GPAT4: variants seen among roughly 807,000 people sequenced by gnomAD.
GPAT4 encodes the protein 1-AGP acyltransferase 6.
Under a neutral mutation model 58.0 loss-of-function variants are expected in GPAT4, and 17 were observed. That is an observed-to-expected ratio of 0.29 (90% CI 0.20 to 0.44). The LOEUF is 0.44. GPAT4 is among the 20% of genes least tolerant of loss of function. The pLI is 1.00. For synonymous variants in GPAT4, 204 were observed against 210.1 expected (o/e 0.97, Z 0.25); for missense variants, 377 against 574.5 (o/e 0.66, Z 3.51).
At position 41,623,637 on chromosome 8, in the gene GPAT4, T is replaced by TA. The variant is rs1218053511; in HGVS notation, c.*2637dup. ...CTCTGAAGTCTTCTGGGTTTGGAAA[T>TA]ACGGGAAGTCAGCTTTGAATCCATT... On this transcript the variant is annotated 3_prime_UTR_variant, in exon 13 of 13. Coordinates refer to ENST00000396987, the MANE Select transcript of GPAT4 (RefSeq NM_178819.4). The TA allele has an allele frequency of 4.6e-5, 7 of 152,198 alleles. No homozygotes were observed. In the South Asian group the frequency reaches 1.5e-3, roughly 32 times the overall value. 9.4% of individuals were successfully genotyped at this position (152,198 alleles called of 1,614,324 possible).
At chr8:41,602,011 G>A in intron 2 of GPAT4, among the ~76,000 whole-genome samples, 1 of 152,238 alleles carries the variant, frequency 6.6e-6, no homozygotes, top group Non-Finnish European at 1.5e-5. Context: ...CTGGAGTGCA[G>A]TGGCATGATC....
In GPAT4 at chr8:41,611,503, T is replaced by C. The variant is rs536282750; in HGVS notation, c.612-400T>C. Among the ~76,000 whole-genome samples, 5 of 152,364 alleles carry C rather than the reference T, an allele frequency of 3.3e-5. No individual in the cohort carries two copies. In the South Asian group the frequency reaches 1.0e-3, roughly 32 times the overall value. ...GAAATGTAGGGAGGTTTTGTCTGTTTGTGTGAAGAATATTTTGCTCCCTTT... is the reference window on the plus strand; with the variant it reads ...GAAATGTAGGGAGGTTTTGTCTGTTCGTGTGAAGAATATTTTGCTCCCTTT... On this transcript the variant is annotated intron_variant, in intron 5 of 12. Coordinates refer to ENST00000396987, the MANE Select transcript of GPAT4 (RefSeq NM_178819.4).
intron 10 of GPAT4, among the ~76,000 whole-genome samples, chr8:41,616,883 CTCT>C (rs550156233): frequency 2.1e-4 from 32 of 152,162 alleles, no homozygotes; most frequent in Non-Finnish European, 3.7e-4. Context: ...GATTTCAAGG[CTCT>C]TCTTATATTT....
chr8:41,613,713 G>T (rs1055240349), intron 8 of GPAT4, among the ~76,000 whole-genome samples: 1 of 151,996 alleles, frequency 6.6e-6, no homozygotes, highest in Non-Finnish European at 1.5e-5. Context: ...CCGGGAGTTC[G>T]AGACCAGCCT....
intron 10 of GPAT4, among the ~76,000 whole-genome samples, chr8:41,616,809 C>T (rs1803607468): frequency 6.6e-6 from 1 of 152,202 alleles, no homozygotes; most frequent in African/African-American, 2.4e-5. Context: ...CTAAGAACAT[C>T]TGGTCTACAG....
At chr8:41,604,492 G>A (rs1330293008) in intron 2 of GPAT4, among the ~76,000 whole-genome samples, 1 of 152,212 alleles carries the variant, frequency 6.6e-6, no homozygotes, top group Non-Finnish European at 1.5e-5. Flanking sequence ...GGGTTTTAGT[G>A]TTTGCTTAAT....
chr8:41,586,779 T>G (rs761488038), intron 1 of GPAT4, among the ~76,000 whole-genome samples: 7 of 152,196 alleles, frequency 4.6e-5, no homozygotes, highest in Non-Finnish European at 8.8e-5. Context: ...TATGGATAAT[T>G]TGTGCTCAGA....
At position 41,618,758 on chromosome 8, in the gene GPAT4, G is replaced by C. The variant is rs771864075; in HGVS notation, c.1128G>C (p.Met376Ile). The change falls in exon 11 of 13, where the codon ATG (methionine) becomes ATC (isoleucine). Residue 376 changes from methionine to isoleucine, a missense_variant. Physicochemically the swap from Met to Ile is conservative, Grantham distance 10. Transcript: ENST00000396987. ...YGMVTYLLRMMTSWAIVCSVW... is the reference protein window; with the variant it reads ...YGMVTYLLRMITSWAIVCSVW... ...TGGTGACGTACCTGCTGCGAATGAT[G>C]ACCAGCTGGGCCATTGTCTGCAGCG... The C allele has an allele frequency of 1.2e-6, 2 of 1,614,242 alleles. No homozygotes were observed. Among genetic ancestry groups the C allele is most frequent in the Non-Finnish European group, 8.5e-7 (1 of 1,180,046 alleles).
chr8:41,594,808 G>A (rs1008033724), intron 1 of GPAT4, among the ~76,000 whole-genome samples: 23 of 152,088 alleles, frequency 1.5e-4, no homozygotes, highest in Admixed American at 1.2e-3. Flanking sequence ...GCCTCCCAAA[G>A]TGCTGAGATT....
At chr8:41,610,448 C>T in intron 4 of GPAT4, 1 of 1,298,256 alleles carries the variant, frequency 7.7e-7, no homozygotes, top group Non-Finnish European at 9.8e-7. Context: ...CAGGGAGCAG[C>T]CCTGTGGCAG....
chr8:41,615,141 A>C (rs767790239), intron 10 of GPAT4, 93 bp downstream of exon 10: 3 of 1,168,482 alleles, frequency 2.6e-6, no homozygotes, highest in Non-Finnish European at 3.8e-6. Context: ...TGGGGTCACC[A>C]GTCTGTGGTC....
At chr8:41,617,276 AT>A (rs1401111951) in intron 10 of GPAT4, among the ~76,000 whole-genome samples, 1 of 152,140 alleles carries the variant, frequency 6.6e-6, no homozygotes, top group East Asian at 1.9e-4. Flanking sequence ...GGGCAGGAGA[AT>A]GGCGTGAACC....
chr8:41,589,727 T>C (rs1338208027), intron 1 of GPAT4, among the ~76,000 whole-genome samples: 1 of 150,168 alleles, frequency 6.7e-6, no homozygotes, highest in Non-Finnish European at 1.5e-5. Flanking sequence ...AATTCTTAGC[T>C]ATGATCCTTA....
chr8:41,607,006 G>A (rs1803293425), intron 2 of GPAT4, among the ~76,000 whole-genome samples: 1 of 152,172 alleles, frequency 6.6e-6, no homozygotes, highest in East Asian at 1.9e-4. Context: ...TGCATTTCCA[G>A]TCCTTCTGAA....
At chr8:41,614,572 C>A in intron 9 of GPAT4, 131 bp downstream of exon 9, 1 of 913,580 alleles carries the variant, frequency 1.1e-6, no homozygotes. Flanking sequence ...GTTAGGTCCC[C>A]TTTAGGTTGG....
intron 4 of GPAT4, 64 bp downstream of exon 4, chr8:41,610,019 G>T: frequency 6.5e-7 from 1 of 1,536,600 alleles, no homozygotes. Context: ...CAGCCCACCT[G>T]CCTGCTCTGC....
At chr8:41,620,390 C>CT (rs1177038295) in intron 12 of GPAT4, among the ~76,000 whole-genome samples, 1 of 152,174 alleles carries the variant, frequency 6.6e-6, no homozygotes, top group Non-Finnish European at 1.5e-5. Flanking sequence ...TGACGGCACT[C>CT]TTTTTTTGAG....
At chr8:41,615,460 G>T (rs1803571445) in intron 10 of GPAT4, among the ~76,000 whole-genome samples, 2 of 151,160 alleles carry the variant, frequency 1.3e-5, no homozygotes, top group South Asian at 2.1e-4. Context: ...TTGGGGGGGG[G>T]GTCATTACTC....
At chr8:41,604,449 T>C (rs1252092420) in intron 2 of GPAT4, among the ~76,000 whole-genome samples, 1 of 152,196 alleles carries the variant, frequency 6.6e-6, no homozygotes, top group Non-Finnish European at 1.5e-5. Context: ...TCACAGAAGA[T>C]CTTTGTGTGC....
Sources: allele counts gnomAD v4.1 joint callset (sites outside exome capture counted in the v4.1 genomes callset), GRCh38; gene constraint gnomAD v4.1.1; transcripts MANE v1.5; gene names NCBI Gene and HGNC (gene_info 2026-07-23, HGNC 2026-07-21).